Variants in NUP210L observed in about 807,000 individuals in gnomAD.
NUP210L encodes nucleoporin 210 like, also known as nuclear pore membrane glycoprotein 210-like.
A neutral mutation model predicts 208.5 loss-of-function variants in NUP210L; 74 were observed. The observed-to-expected ratio is 0.35, with a 90% CI of 0.29 to 0.43. The LOEUF (loss-of-function observed/expected upper bound fraction) is 0.43. Ranked by LOEUF, NUP210L falls within the 20% of genes least tolerant of loss-of-function variation. The pLI is 1.00. For missense variants in NUP210L, 1,843 were observed against 2,289.4 expected (o/e 0.81, Z 3.98); for synonymous variants, 780 against 816.9 (o/e 0.95, Z 0.77).
At chr1:154,015,282 A>T (rs1238484473) in intron 33 of NUP210L, among the ~76,000 whole-genome samples, 1 of 74,884 alleles carries the variant, frequency 1.3e-5, no homozygotes, top group Non-Finnish European at 3.2e-5. Context: ...CTGGATGTTA[A>T]AAAAAAAAAA....
chr1:153,996,707 C>T (rs190940417), intron 37 of NUP210L, among the ~76,000 whole-genome samples: 31 of 152,234 alleles, frequency 2.0e-4, no homozygotes, highest in East Asian at 5.8e-4. Flanking sequence ...AGGCATGAGC[C>T]GCTGCACCCA....
intron 33 of NUP210L, among the ~76,000 whole-genome samples, chr1:154,018,658 C>T (rs1651396312): frequency 6.6e-6 from 1 of 152,180 alleles, no homozygotes; most frequent in East Asian, 1.9e-4. Flanking sequence ...TGGATTACCG[C>T]AGTAGACTCC....
chr1:154,046,081 G>A (rs1470766809), exon 27 of NUP210L: 3 of 1,613,922 alleles, frequency 1.9e-6, no homozygotes, highest in Admixed American at 3.3e-5. Flanking sequence ...CTGAATGCCT[G>A]GGCACTAGAT....
chr1:154,035,791 T>G (rs1652504193), intron 27 of NUP210L, among the ~76,000 whole-genome samples: 1 of 151,954 alleles, frequency 6.6e-6, no homozygotes, highest in Admixed American at 6.6e-5. Flanking sequence ...TGGAGTGCAG[T>G]GGCATGATCT....
intron 12 of NUP210L, among the ~76,000 whole-genome samples, chr1:154,113,222 TTAAA>T: frequency 6.7e-6 from 1 of 148,516 alleles, no homozygotes; most frequent in African/African-American, 2.4e-5. Flanking sequence ...AAATCATTCC[TTAAA>T]TATTTACATA....
chr1:154,093,654 T>C (rs1168350582), intron 15 of NUP210L, among the ~76,000 whole-genome samples: 1 of 152,060 alleles, frequency 6.6e-6, no homozygotes, highest in Non-Finnish European at 1.5e-5. Flanking sequence ...TAAAATAGAA[T>C]GAAGTTCAAT....
At chr1:154,150,931 T>C (rs1301785179) in intron 2 of NUP210L, among the ~76,000 whole-genome samples, 1 of 152,134 alleles carries the variant, frequency 6.6e-6, no homozygotes, top group Non-Finnish European at 1.5e-5. Context: ...ATGCTCCTAG[T>C]AGGACACCAA....
At chr1:154,055,175 C>CTTTCT (rs1025027756) in intron 23 of NUP210L, among the ~76,000 whole-genome samples, 4 of 81,528 alleles carry the variant, frequency 4.9e-5, no homozygotes, top group African/African-American at 1.2e-4. Flanking sequence ...TTCTTTCTTT[C>CTTTCT]TTTCTTTCTT....
At chr1:154,113,773 G>A (rs1027314051) in intron 12 of NUP210L, among the ~76,000 whole-genome samples, 3 of 147,812 alleles carry the variant, frequency 2.0e-5, no homozygotes, top group South Asian at 4.2e-4. Flanking sequence ...CAGGAGAATC[G>A]CTTGAACCTG....
intron 16 of NUP210L, among the ~76,000 whole-genome samples, chr1:154,074,861 A>G (rs1030820983): frequency 9.9e-5 from 15 of 152,160 alleles, no homozygotes; most frequent in African/African-American, 3.1e-4. Context: ...ACAAGTGCAG[A>G]TTTCTTACAT....
intron 37 of NUP210L, among the ~76,000 whole-genome samples, chr1:153,996,506 C>T (rs1444093487): frequency 6.6e-6 from 1 of 152,024 alleles, no homozygotes; most frequent in Non-Finnish European, 1.5e-5. Context: ...CCTGCAACCT[C>T]CGCCTCCTGG....
intron 35 of NUP210L, among the ~76,000 whole-genome samples, chr1:154,008,786 C>T (rs867845171): frequency 2.0e-5 from 3 of 152,172 alleles, no homozygotes; most frequent in Admixed American, 6.6e-5. Context: ...CTCCTGCTGT[C>T]AGGTATTATA....
At chr1:153,995,256 T>A (rs1021793689) in intron 37 of NUP210L, 76 bp from the exon 38 acceptor site, 2 of 1,060,748 alleles carry the variant, frequency 1.9e-6, no homozygotes, top group Non-Finnish European at 2.8e-6. Context: ...TTAAATTTAA[T>A]TTTTTTTGAG....
intron 27 of NUP210L, among the ~76,000 whole-genome samples, chr1:154,038,854 G>T (rs967719798): frequency 9.2e-5 from 14 of 152,130 alleles, no homozygotes; most frequent in African/African-American, 2.9e-4. Context: ...AACACTGGTT[G>T]CGTAAACACA....
chr1:154,004,226 G>A (rs1387889533), intron 35 of NUP210L, among the ~76,000 whole-genome samples: 1 of 149,642 alleles, frequency 6.7e-6, no homozygotes, highest in East Asian at 2.0e-4. Flanking sequence ...CCACCACCAC[G>A]CCCGGCTAAT....
intron 27 of NUP210L, among the ~76,000 whole-genome samples, chr1:154,040,422 GGAA>G (rs1056307260): frequency 5.9e-5 from 9 of 151,646 alleles, no homozygotes; most frequent in Non-Finnish European, 1.0e-4. Context: ...GGAGAAAGAA[GGAA>G]GAAGAAGGAG....
intron 38 of NUP210L, among the ~76,000 whole-genome samples, chr1:153,993,315 G>A (rs763575032): frequency 2.7e-4 from 41 of 151,668 alleles, no homozygotes; most frequent in Non-Finnish European, 5.0e-4. Context: ...GCCTGTAATC[G>A]CAGCATTTTG....
chr1:154,144,650 A>G (rs1051221086), intron 2 of NUP210L, among the ~76,000 whole-genome samples: 2 of 152,224 alleles, frequency 1.3e-5, no homozygotes, highest in Non-Finnish European at 2.9e-5. Context: ...AGAACTGTCT[A>G]TATAGCTGTT....
rs111784749 is a variant in NUP210L, at chr1:154,044,653, G to A, written c.3696+1416C>T. ...TTTAGCTGGCTGCCGAAATATCCTC[G>A]TAATTCTAGCTCCTGTAACCCCTCT... is the stretch of plus-strand genomic sequence containing the variant. On this transcript the variant is annotated intron_variant, in intron 27 of 39. Transcript: ENST00000368559. Among the ~76,000 whole-genome samples, 17 of 152,056 alleles carry A rather than the reference G, an allele frequency of 1.1e-4. No homozygotes were observed. In the East Asian group the frequency reaches 1.4e-3, roughly 12 times the overall value.
Sources: gnomAD v4.1 joint callset for allele counts (sites outside exome capture counted in the v4.1 genomes callset) on GRCh38, gnomAD v4.1.1 for gene constraint, MANE v1.5 for transcripts, NCBI Gene and HGNC (gene_info 2026-07-23, HGNC 2026-07-21) for gene names.